ARHGAP12: variants seen among roughly 807,000 people sequenced by gnomAD.
ARHGAP12 encodes the protein Rho GTPase activating protein 12, also known as rho GTPase-activating protein 12.
Under a neutral mutation model 108.6 loss-of-function variants are expected in ARHGAP12, and 64 were observed. That is an observed-to-expected ratio of 0.59 (90% CI 0.48 to 0.73). ARHGAP12 has a LOEUF of 0.73. Among genes scored for constraint, ARHGAP12 ranks in the 30% least tolerant of loss-of-function variants. The pLI is 0.00. For missense variants in ARHGAP12, 940 were observed against 1,005.9 expected (o/e 0.93, Z 0.89); for synonymous variants, 312 against 337.2 (o/e 0.93, Z 0.82).
chr10:31,807,667 G>A lies in ARHGAP12; in HGVS notation c.2532C>T (p.Phe844=), dbSNP rs137966750. The A allele has an allele frequency of 8.4e-5, 135 of 1,600,672 alleles. 1 individual carries two copies. The highest frequency in any genetic ancestry group is 5.0e-4 in the Middle Eastern group (3 of 6,056). Residue 844 remains phenylalanine, a synonymous_variant, in exon 20 of 20, where the codon TTC becomes TTT. Transcript: ENST00000344936. ...ELILLELSSI[F]GR ...TTGTCTTCAGTAAGAATCAACGTCCGAAGATGGAACTCAGTTCCAGAAGAA... is the reference window on the plus strand; with the variant it reads ...TTGTCTTCAGTAAGAATCAACGTCCAAAGATGGAACTCAGTTCCAGAAGAA...
intron 3 of ARHGAP12, among the ~76,000 whole-genome samples, chr10:31,890,491 G>C: frequency 6.6e-6 from 1 of 152,130 alleles, no homozygotes; most frequent in East Asian, 1.9e-4. Flanking sequence ...AATCGCCTAA[G>C]ATTCCTAACT....
chr10:31,871,741 ACTAT>A (rs1381178843), intron 3 of ARHGAP12, among the ~76,000 whole-genome samples: 4 of 152,192 alleles, frequency 2.6e-5, no homozygotes, highest in Admixed American at 1.3e-4. Context: ...ACTGGTAAAG[ACTAT>A]CTATCTGTAT....
intron 6 of ARHGAP12, among the ~76,000 whole-genome samples, chr10:31,844,756 A>T (rs1203246231): frequency 6.9e-6 from 1 of 144,004 alleles, no homozygotes. Flanking sequence ...TTGTAATGCC[A>T]TGTCTGAGTT....
intron 3 of ARHGAP12, among the ~76,000 whole-genome samples, chr10:31,887,242 A>G (rs547589595): frequency 4.6e-5 from 7 of 152,276 alleles, no homozygotes; most frequent in Admixed American, 2.0e-4. Flanking sequence ...TCAGGGAAGG[A>G]CTGTCTTTGT....
intron 6 of ARHGAP12, among the ~76,000 whole-genome samples, chr10:31,845,345 T>G (rs1836414572): frequency 6.6e-6 from 1 of 152,212 alleles, no homozygotes; most frequent in African/African-American, 2.4e-5. Context: ...TCTTTCCTTT[T>G]CTTAATTGTT....
At chr10:31,927,090 A>G (rs981183405) in intron 1 of ARHGAP12, among the ~76,000 whole-genome samples, 4 of 152,210 alleles carry the variant, frequency 2.6e-5, no homozygotes, top group Middle Eastern at 3.2e-3. Flanking sequence ...AAACACTTTT[A>G]GAACAGTGGA....
chr10:31,887,494 A>G (rs1378655687), intron 3 of ARHGAP12, among the ~76,000 whole-genome samples: 1 of 152,160 alleles, frequency 6.6e-6, no homozygotes, highest in Non-Finnish European at 1.5e-5. Context: ...TATTCCCTTC[A>G]CTATACAATA....
chr10:31,845,721 G>T (rs529803626), intron 6 of ARHGAP12, among the ~76,000 whole-genome samples: 1 of 152,246 alleles, frequency 6.6e-6, no homozygotes, highest in South Asian at 2.1e-4. Flanking sequence ...GGAGGTGGAA[G>T]CTGCAGCGAA....
intron 9 of ARHGAP12, among the ~76,000 whole-genome samples, chr10:31,838,113 T>C (rs1268653149): frequency 6.6e-6 from 1 of 152,178 alleles, no homozygotes; most frequent in Non-Finnish European, 1.5e-5. Context: ...AATAAAATTC[T>C]CTGAGGAAAT....
intron 11 of ARHGAP12, among the ~76,000 whole-genome samples, chr10:31,824,565 G>C (rs1271360824): frequency 1.3e-5 from 2 of 152,080 alleles, no homozygotes; most frequent in African/African-American, 2.4e-5. Flanking sequence ...TGAATCGTGT[G>C]TAAGATCTTC....
chr10:31,897,106 G>T (rs1392558097), intron 3 of ARHGAP12, among the ~76,000 whole-genome samples: 1 of 152,134 alleles, frequency 6.6e-6, no homozygotes, highest in Non-Finnish European at 1.5e-5. Context: ...AACAACATCA[G>T]CTTCCTACAG....
chr10:31,899,704 C>A (rs972786697), intron 3 of ARHGAP12, among the ~76,000 whole-genome samples: 2 of 152,212 alleles, frequency 1.3e-5, no homozygotes, highest in Admixed American at 6.5e-5. Flanking sequence ...AGACCTTACA[C>A]CTTTCACAAA....
chr10:31,820,379 T>A lies in ARHGAP12; in HGVS notation c.1632+8A>T, dbSNP rs774905824. 1 of 1,592,882 alleles carries A rather than the reference T, an allele frequency of 6.3e-7. No homozygotes were observed. Among genetic ancestry groups the A allele is most frequent in the Non-Finnish European group, 8.5e-7 (1 of 1,170,302 alleles). Reference sequence around the variant, plus strand: ...AGAATGTGTTATACTTAGAAAAAAATGTATTACCTCAAATACATTCTTTTT... The same window carrying A: ...AGAATGTGTTATACTTAGAAAAAAAAGTATTACCTCAAATACATTCTTTTT... On this transcript the variant is annotated splice_region_variant and intron_variant, in intron 12 of 19. Coordinates refer to ENST00000344936, the MANE Select transcript of ARHGAP12 (RefSeq NM_018287.7).
chr10:31,911,987 T>A (rs1278763247), intron 1 of ARHGAP12, among the ~76,000 whole-genome samples: 1 of 152,138 alleles, frequency 6.6e-6, no homozygotes. Flanking sequence ...CAAAATGTAT[T>A]CCCATCTCTA....
chr10:31,880,411 C>A (rs188016550), intron 3 of ARHGAP12, among the ~76,000 whole-genome samples: 83 of 152,086 alleles, frequency 5.5e-4, no homozygotes, highest in African/African-American at 1.9e-3. Context: ...GAGTTTGAGA[C>A]CAGGCTAGAC....
chr10:31,917,108 T>C (rs1489610453), intron 1 of ARHGAP12, among the ~76,000 whole-genome samples: 1 of 152,010 alleles, frequency 6.6e-6, no homozygotes, highest in Non-Finnish European at 1.5e-5. Flanking sequence ...AAAGTACTTG[T>C]TTAAAATTAA....
At chr10:31,926,845 C>G (rs1485687336) in intron 1 of ARHGAP12, among the ~76,000 whole-genome samples, 1 of 152,106 alleles carries the variant, frequency 6.6e-6, no homozygotes, top group Non-Finnish European at 1.5e-5. Flanking sequence ...CACCTCGAAA[C>G]AACTGGTATT....
intron 3 of ARHGAP12, among the ~76,000 whole-genome samples, chr10:31,869,769 T>C (rs1311385276): frequency 6.6e-6 from 1 of 152,190 alleles, no homozygotes; most frequent in Non-Finnish European, 1.5e-5. Flanking sequence ...GAACCATATA[T>C]ATAAGAAGGT....
At chr10:31,863,783 A>T (rs1263274744) in intron 3 of ARHGAP12, among the ~76,000 whole-genome samples, 3 of 152,144 alleles carry the variant, frequency 2.0e-5, no homozygotes, top group Admixed American at 1.3e-4. Flanking sequence ...AAACACGATC[A>T]TCTCTACAGA....
Sources: gnomAD v4.1 joint callset for allele counts (sites outside exome capture counted in the v4.1 genomes callset) on GRCh38, gnomAD v4.1.1 for gene constraint, MANE v1.5 for transcripts, NCBI Gene and HGNC (gene_info 2026-07-23, HGNC 2026-07-21) for gene names.